SLC35D3: variants seen among roughly 807,000 people sequenced by gnomAD.
SLC35D3 encodes the protein frc, fringe-like 1.
Under a neutral mutation model 20.3 loss-of-function variants are expected in SLC35D3, and 18 were observed. That is an observed-to-expected ratio of 0.89 (90% confidence interval 0.61 to 1.32). The LOEUF is 1.32. SLC35D3 is among the 40% of genes most tolerant of loss of function. SLC35D3 has a pLI of 0.00. For missense variants in SLC35D3, 556 were observed against 565.5 expected, an observed-to-expected ratio of 0.98 and a Z score of 0.17; for synonymous variants, 313 against 263.5, an observed-to-expected ratio of 1.19 and a Z score of -1.82.
At position 136,925,393 on chromosome 6, in the gene SLC35D3, A is replaced by G. The variant is rs753199444; in HGVS notation, c.*697A>G. Reference sequence around the variant, plus strand: ...TTTGGTTCATTGCTTTATAATATTTATTATTGAATGCCAAACCTGTTCTTT... The same window carrying G: ...TTTGGTTCATTGCTTTATAATATTTGTTATTGAATGCCAAACCTGTTCTTT... On this transcript the variant is annotated 3_prime_UTR_variant, in exon 2 of 2. Transcript: ENST00000331858. The G allele has an allele frequency of 1.3e-5, 2 of 152,592 alleles. No homozygotes were observed. The highest frequency in any genetic ancestry group is 4.8e-5 in the African/African-American group (2 of 41,452). The allele number at this position is 152,592 out of a possible 1,614,324, so 9.5% of individuals were successfully genotyped here.
Position 136,923,535 on chromosome 6 carries a change from G to A in SLC35D3, c.440-350G>A, listed in dbSNP as rs768184600. On this transcript the variant is annotated intron_variant, in intron 1 of 1. Transcript: ENST00000331858. The surrounding 1 kb of genome is among the most constrained non-coding windows in gnomAD (Gnocchi z 6.2). ...ACGGGGCAGGGGCTCCGGGGTGCAG[G>A]TACCACGCGCCCAAGTGACCTCGGT... Among the ~76,000 whole-genome samples, 7 of 152,210 alleles carry A rather than the reference G, an allele frequency of 4.6e-5. No homozygotes were observed. Among genetic ancestry groups the A allele is most frequent in the African/African-American group, 7.2e-5 (3 of 41,460 alleles).
chr6:136,924,297 TG>T lies in SLC35D3; in HGVS notation c.853del (p.Ala285ProfsTer5). 1 of 1,614,108 alleles carries T rather than the reference TG, an allele frequency of 6.2e-7. No individual in the cohort carries two copies. The highest frequency in any genetic ancestry group is 8.5e-7 in the Non-Finnish European group (1 of 1,180,024). On this transcript the variant is annotated frameshift_variant, in exon 2 of 2. Transcript: ENST00000331858. LOFTEE classifies it high-confidence loss of function. ...SDVEPTSLFIAGVVVNTLGSI... is the reference protein window; with the variant it reads ...SDVEPTSLFIXGVVVNTLGSI... ...ACGTGGAGCCCACCTCTCTGTTCAT[TG>T]CCGGCGTGGTGGTGAACACCCTGGG...
rs930802669 is a variant in SLC35D3 at position 136,924,902 on chromosome 6, C to T, written c.*206C>T. 2.2e-5 allele frequency: 11 copies of T among 506,760 alleles called. No homozygotes were observed. The highest frequency in any genetic ancestry group is 3.4e-5 in the Non-Finnish European group (10 of 296,304). 31.4% of individuals were successfully genotyped at this position (506,760 alleles called of 1,614,324 possible). A position where few individuals can be genotyped will look rare whatever the true frequency, so the allele number is the denominator to read the frequency against. ...GACTTCACCTGAGGCATCACAGAGACAAAAGAATGTGAAGCTACTTAACAA... is the reference window on the plus strand; with the variant it reads ...GACTTCACCTGAGGCATCACAGAGATAAAAGAATGTGAAGCTACTTAACAA... On this transcript the variant is annotated 3_prime_UTR_variant, in exon 2 of 2. Transcript: ENST00000331858.
chr6:136,923,937 G>T lies in SLC35D3; in HGVS notation c.492G>T (p.Ala164=). The change falls in exon 2 of 2, where the codon GCG becomes GCT. Residue 164 remains alanine, a synonymous_variant. Transcript: ENST00000331858. This position sits in a 1 kb window ranked among gnomAD's most constrained non-coding sequence, Gnocchi z 6.2. ...DPIGYVTGVL[A]VLVHAAYLVL... ...TCGGGTACGTCACGGGAGTGCTGGC[G>T]GTGCTGGTGCACGCTGCCTACCTGG... 6.5e-7 allele frequency: 1 copy of T among 1,544,772 alleles called. No individual in the cohort carries two copies. Among genetic ancestry groups the T allele is most frequent in the Non-Finnish European group, 8.7e-7 (1 of 1,148,896 alleles).
Position 136,924,357 on chromosome 6 carries a change from G to A in SLC35D3, c.912G>A (p.Glu304=), listed in dbSNP as rs769054616. 12 of 1,614,106 alleles carry A rather than the reference G, an allele frequency of 7.4e-6. No individual in the cohort carries two copies. The highest frequency in any genetic ancestry group is 9.3e-6 in the Non-Finnish European group (11 of 1,180,036). The change falls in exon 2 of 2, where the codon GAG becomes GAA. Residue 304 remains glutamate (E), a synonymous_variant. Transcript: ENST00000331858. ...TTTACTGTGTGGCCAAGTTCATGGA[G>A]ACCAGAAAGCAAAGCAACTACGAGG... is the stretch of plus-strand genomic sequence containing the variant. ...SIIYCVAKFM[E]TRKQSNYEDL...
In SLC35D3 at chr6:136,924,503, G is replaced by T; in HGVS notation, c.1058G>T (p.Gly353Val). 1.2e-6 allele frequency: 2 copies of T among 1,613,456 alleles called. No homozygotes were observed. Among genetic ancestry groups the T allele is most frequent in the Non-Finnish European group, 8.5e-7 (1 of 1,179,866 alleles). Residue 353 changes from glycine (G) to valine (V), a missense_variant, in exon 2 of 2, where the codon GGT becomes GTT. Coordinates refer to ENST00000331858, the MANE Select transcript of SLC35D3 (RefSeq NM_001008783.3). ...NGRSEGGEAA[G>V]GPAQESRQEV... ...CGGTCAGAAGGTGGGGAGGCAGCAG[G>T]TGGCCCCGCTCAGGAGAGCAGGCAA...
rs767002059 is a variant in SLC35D3, at chr6:136,924,275, T to C, written c.830T>C (p.Val277Ala). ...GTGGGCATGGTGGCCTTCAGCGACG[T>C]GGAGCCCACCTCTCTGTTCATTGCC... is the stretch of plus-strand genomic sequence containing the variant. The part of the protein sequence containing the change: ...ITVGMVAFSD[V>A]EPTSLFIAGV... Residue 277 changes from valine to alanine, a missense_variant, in exon 2 of 2, where the codon GTG (valine) becomes GCG (alanine). Physicochemically the swap from Val to Ala is moderately conservative, Grantham distance 64. Coordinates refer to ENST00000331858, the MANE Select transcript of SLC35D3 (RefSeq NM_001008783.3). 53 of 1,614,142 alleles carry C rather than the reference T, an allele frequency of 3.3e-5. No individual in the cohort carries two copies. The South Asian group carries it at 5.6e-4, about 17-fold the overall frequency.
In SLC35D3 at chr6:136,923,920, G is replaced by C. The variant is rs1390071251; in HGVS notation, c.475G>C (p.Val159Leu). ...GDLTGDPIGY[V>L]TGVLAVLVHA... is the part of the protein sequence containing the mutation. ...CCTGACGGGCGACCCCATCGGGTAC[G>C]TCACGGGAGTGCTGGCGGTGCTGGT... Residue 159 changes from valine (V) to leucine (L), a missense_variant, in exon 2 of 2, where the codon GTC becomes CTC. By Grantham distance (32) the Val-to-Leu change is conservative. Coordinates refer to ENST00000331858, the MANE Select transcript of SLC35D3 (RefSeq NM_001008783.3). The surrounding 1 kb of genome is among the most constrained non-coding windows in gnomAD (Gnocchi z 6.2). 6.5e-7 allele frequency: 1 copy of C among 1,536,676 alleles called. No individual in the cohort carries two copies. The highest frequency in any genetic ancestry group is 1.4e-5 in the African/African-American group (1 of 73,144).
At position 136,924,087 on chromosome 6, in the gene SLC35D3, C is replaced by T. The variant is rs771220307; in HGVS notation, c.642C>T (p.Ala214=). The T allele has an allele frequency of 1.9e-6, 3 of 1,612,376 alleles. No homozygotes were observed. The highest frequency in any genetic ancestry group is 2.2e-5 in the South Asian group (2 of 90,954). ...TCGCCAGCACCGACTCCATCCACGC[C>T]TGGACCTTCCCGGGCTGGAAGGACC... ...CSFASTDSIH[A]WTFPGWKDPA... The change falls in exon 2 of 2, where the codon GCC becomes GCT. Residue 214 remains alanine, a synonymous_variant. Transcript: ENST00000331858.
Position 136,922,875 on chromosome 6 carries a change from G to T in SLC35D3, c.439+8G>T. ...GCGGCGCCGCCCTGGCAGGTGAGCG[G>T]GCCCCCGCGCCGACCCCCAGCCGAC... On this transcript the variant is annotated splice_region_variant and intron_variant, in intron 1 of 1. Transcript: ENST00000331858. The surrounding 1 kb of genome is among the most constrained non-coding windows in gnomAD (Gnocchi z 6.8). The T allele has an allele frequency of 6.6e-7, 1 of 1,523,218 alleles. No individual in the cohort carries two copies. The highest frequency in any genetic ancestry group is 8.8e-7 in the Non-Finnish European group (1 of 1,140,548). The allele number at this position is 1,523,218 out of a possible 1,614,324, so 94.4% of individuals were successfully genotyped here.
At position 136,923,787 on chromosome 6, in the gene SLC35D3, C is replaced by G. The variant is rs1776093885; in HGVS notation, c.440-98C>G. 8.4e-6 allele frequency: 10 copies of G among 1,195,876 alleles called. No homozygotes were observed. The highest frequency in any genetic ancestry group is 1.1e-5 in the Non-Finnish European group (10 of 880,180). 74.1% of individuals were successfully genotyped at this position (1,195,876 alleles called of 1,614,324 possible). A position where few individuals can be genotyped will look rare whatever the true frequency, so the allele number is the denominator to read the frequency against. Reference sequence around the variant, plus strand: ...CGCGAACCCAGTCTCCTTTCCTACCCGACGCGTTTTCCCCGTGGGTCCCCG... The same window carrying G: ...CGCGAACCCAGTCTCCTTTCCTACCGGACGCGTTTTCCCCGTGGGTCCCCG... On this transcript the variant is annotated intron_variant, in intron 1 of 1. Coordinates refer to ENST00000331858, the MANE Select transcript of SLC35D3 (RefSeq NM_001008783.3). This position sits in a 1 kb window ranked among gnomAD's most constrained non-coding sequence, Gnocchi z 6.2.
rs573412758 is a variant in SLC35D3 at position 136,925,036 on chromosome 6, G to T, written c.*340G>T. 3 of 190,846 alleles carry T rather than the reference G, an allele frequency of 1.6e-5. No homozygotes were observed. The Admixed American group carries it at 1.6e-4, about 10-fold the overall frequency. 11.8% of individuals were successfully genotyped at this position (190,846 alleles called of 1,614,324 possible). A position where few individuals can be genotyped will look rare whatever the true frequency, so the allele number is the denominator to read the frequency against. On this transcript the variant is annotated 3_prime_UTR_variant, in exon 2 of 2. Transcript: ENST00000331858. ...GAGTCCCTAAGCCACCCCCTCCAAAGATGGAGTGTAGAAATGATGACAGCA... is the reference window on the plus strand; with the variant it reads ...GAGTCCCTAAGCCACCCCCTCCAAATATGGAGTGTAGAAATGATGACAGCA...
rs1377793795 is a variant in SLC35D3 at position 136,925,125 on chromosome 6, C to T, written c.*429C>T. 1 of 158,970 alleles carries T rather than the reference C, an allele frequency of 6.3e-6. No homozygotes were observed. The highest frequency in any genetic ancestry group is 1.9e-4 in the East Asian group (1 of 5,374). 9.8% of individuals were successfully genotyped at this position (158,970 alleles called of 1,614,324 possible). On this transcript the variant is annotated 3_prime_UTR_variant, in exon 2 of 2. Coordinates refer to ENST00000331858, the MANE Select transcript of SLC35D3 (RefSeq NM_001008783.3). Reference sequence around the variant, plus strand: ...TTGATGATAGAACTACAGTTTTTATCGCCAGCTGGGCAAAGAGTATATTGC... The same window carrying T: ...TTGATGATAGAACTACAGTTTTTATTGCCAGCTGGGCAAAGAGTATATTGC...
chr6:136,924,416 A>G lies in SLC35D3; in HGVS notation c.971A>G (p.Gln324Arg). The G allele has an allele frequency of 6.2e-7, 1 of 1,613,966 alleles. No individual in the cohort carries two copies. The highest frequency in any genetic ancestry group is 8.5e-7 in the Non-Finnish European group (1 of 1,179,934). Residue 324 changes from glutamine (Q) to arginine (R), a missense_variant, in exon 2 of 2, where the codon CAG (glutamine) becomes CGG (arginine). Gln to Arg is a conservative substitution (Grantham distance 43). Coordinates refer to ENST00000331858, the MANE Select transcript of SLC35D3 (RefSeq NM_001008783.3). ...GCCCAGCCTCGGGGAGAGGAGGCGC[A>G]GCTAAGTGGAGACCAGCTGCCGTTC... is the stretch of plus-strand genomic sequence containing the variant. ...LEAQPRGEEAQLSGDQLPFVM... is the reference protein window; with the variant it reads ...LEAQPRGEEARLSGDQLPFVM...
chr6:136,923,815 C>G lies in SLC35D3; in HGVS notation c.440-70C>G. Reference sequence around the variant, plus strand: ...CGCGTTTTCCCCGTGGGTCCCCGCCCACGCCAACCTGCTGTCTTCTCTCTT... The same window carrying G: ...CGCGTTTTCCCCGTGGGTCCCCGCCGACGCCAACCTGCTGTCTTCTCTCTT... On this transcript the variant is annotated intron_variant, in intron 1 of 1. Coordinates refer to ENST00000331858, the MANE Select transcript of SLC35D3 (RefSeq NM_001008783.3). The surrounding 1 kb of genome is among the most constrained non-coding windows in gnomAD (Gnocchi z 6.2). 3 of 1,407,910 alleles carry G rather than the reference C, an allele frequency of 2.1e-6. No individual in the cohort carries two copies. Among genetic ancestry groups the G allele is most frequent in the Middle Eastern group, 2.6e-4 (1 of 3,840 alleles). 87.2% of individuals were successfully genotyped at this position (1,407,910 alleles called of 1,614,324 possible).
Position 136,923,843 on chromosome 6 carries a change from T to G in SLC35D3, c.440-42T>G. The G allele has an allele frequency of 6.8e-7, 1 of 1,468,470 alleles. No individual in the cohort carries two copies. The highest frequency in any genetic ancestry group is 1.3e-5 in the South Asian group (1 of 74,486). 91.0% of individuals were successfully genotyped at this position (1,468,470 alleles called of 1,614,324 possible). The stretch of plus-strand genomic sequence containing the variant: ...GCCAACCTGCTGTCTTCTCTCTTTT[T>G]CCTTCCCGCCCGGGCTCGGCCGTCC... On this transcript the variant is annotated intron_variant, in intron 1 of 1. Coordinates refer to ENST00000331858, the MANE Select transcript of SLC35D3 (RefSeq NM_001008783.3). This position sits in a 1 kb window ranked among gnomAD's most constrained non-coding sequence, Gnocchi z 6.2.
In SLC35D3 at chr6:136,924,273, C is replaced by T. The variant is rs149327197; in HGVS notation, c.828C>T (p.Asp276=). The T allele has an allele frequency of 6.8e-6, 11 of 1,614,026 alleles. No homozygotes were observed. Among genetic ancestry groups the T allele is most frequent in the Admixed American group, 1.7e-5 (1 of 60,014 alleles). ...TITVGMVAFS[D]VEPTSLFIAG... is the part of the protein sequence containing the mutation. ...CGGTGGGCATGGTGGCCTTCAGCGA[C>T]GTGGAGCCCACCTCTCTGTTCATTG... The change falls in exon 2 of 2, where the codon GAC becomes GAT. Residue 276 remains aspartate (D), a synonymous_variant. Transcript: ENST00000331858.
Position 136,924,116 on chromosome 6 carries a change from C to A in SLC35D3, c.671C>A (p.Ala224Asp), listed in dbSNP as rs1487818967. 6.2e-7 allele frequency: 1 copy of A among 1,612,756 alleles called. No homozygotes were observed. The highest frequency in any genetic ancestry group is 1.7e-5 in the Admixed American group (1 of 60,020). The stretch of plus-strand genomic sequence containing the variant: ...ACCTTCCCGGGCTGGAAGGACCCGG[C>A]CATGGTCTGCATCTTCGTGGCCTGC... Reference protein sequence around the residue: ...AWTFPGWKDPAMVCIFVACIL... With the variant: ...AWTFPGWKDPDMVCIFVACIL... The change falls in exon 2 of 2, where the codon GCC becomes GAC. Residue 224 changes from alanine to aspartate, a missense_variant. Physicochemically the swap from Ala to Asp is moderately radical, Grantham distance 126 (BLOSUM62 -2). Coordinates refer to ENST00000331858, the MANE Select transcript of SLC35D3 (RefSeq NM_001008783.3).
rs1332034680 is a variant in SLC35D3, at chr6:136,924,831, C to A, written c.*135C>A. On this transcript the variant is annotated 3_prime_UTR_variant, in exon 2 of 2. Coordinates refer to ENST00000331858, the MANE Select transcript of SLC35D3 (RefSeq NM_001008783.3). Reference sequence around the variant, plus strand: ...AAGAAAAGAAAGAAGCTGAAAGGTACTGACACAGAGCAACAAAATTAGCAC... The same window carrying A: ...AAGAAAAGAAAGAAGCTGAAAGGTAATGACACAGAGCAACAAAATTAGCAC... 4 of 922,206 alleles carry A rather than the reference C, an allele frequency of 4.3e-6. No homozygotes were observed. Among genetic ancestry groups the A allele is most frequent in the Non-Finnish European group, 6.3e-6 (4 of 638,894 alleles). The allele number at this position is 922,206 out of a possible 1,614,324, so 57.1% of individuals were successfully genotyped here.
Sources: gnomAD v4.1 joint callset for allele counts (sites outside exome capture counted in the v4.1 genomes callset) on GRCh38, gnomAD v4.1.1 for gene constraint, Gnocchi (gnomAD v3.1) non-coding constraint, MANE v1.5 for transcripts, NCBI Gene and HGNC (gene_info 2026-07-23, HGNC 2026-07-21) for gene names.